NELL1: variants seen among roughly 807,000 people sequenced by gnomAD.
NELL1 encodes the protein protein kinase C-binding protein NELL1.
Under a neutral mutation model 107.4 loss-of-function variants are expected in NELL1, and 76 were observed. The observed-to-expected ratio is 0.71, with a 90% CI of 0.59 to 0.86. The LOEUF (loss-of-function observed/expected upper bound fraction) is 0.86. NELL1 is among the 40% of genes least tolerant of loss of function. The pLI is 0.00. For missense variants in NELL1, 1,024 were observed against 1,005.5 expected (o/e 1.02, Z -0.25); for synonymous variants, 353 against 341.2 (o/e 1.03, Z -0.38).
At chr11:20,789,588 C>T (rs1259699955) in intron 3 of NELL1, among the ~76,000 whole-genome samples, 1 of 152,222 alleles carries the variant, frequency 6.6e-6, no homozygotes, top group Admixed American at 6.5e-5. Context: ...TGTTTCAGTC[C>T]TGTTTGTGTT....
At chr11:21,522,080 A>AC (rs1855738698) in intron 15 of NELL1, among the ~76,000 whole-genome samples, 1 of 152,142 alleles carries the variant, frequency 6.6e-6, no homozygotes, top group Non-Finnish European at 1.5e-5. Context: ...CCCAAAGGAA[A>AC]AAAGCCATTA....
intron 4 of NELL1, among the ~76,000 whole-genome samples, chr11:20,868,420 G>T (rs1056480737): frequency 1.3e-5 from 2 of 152,134 alleles, no homozygotes; most frequent in Admixed American, 1.3e-4. Context: ...AATGGTTATA[G>T]GGTTTCTGTT....
At chr11:20,697,511 A>G (rs536484330) in intron 2 of NELL1, among the ~76,000 whole-genome samples, 1 of 151,996 alleles carries the variant, frequency 6.6e-6, no homozygotes, top group African/African-American at 2.4e-5. Flanking sequence ...ATGTAACAAG[A>G]TAGAACAAAG....
At position 21,206,050 on chromosome 11, in the gene NELL1, T is replaced by C. The variant is rs1419448029; in HGVS notation, c.1427-23282T>C. Among the ~76,000 whole-genome samples, 7 of 152,146 alleles carry C rather than the reference T, an allele frequency of 4.6e-5. No homozygotes were observed. The East Asian group carries it at 1.3e-3, about 29-fold the overall frequency. On this transcript the variant is annotated intron_variant, in intron 13 of 19. Transcript: ENST00000357134. ...ATGGTGTGAAAAATTATACAAAAAT[T>C]TGATTATAATATTTTCCTAGGGCTT...
At chr11:21,340,006 A>C (rs1850524382) in intron 14 of NELL1, among the ~76,000 whole-genome samples, 1 of 152,186 alleles carries the variant, frequency 6.6e-6, no homozygotes, top group South Asian at 2.1e-4. Context: ...CTCCCATCTT[A>C]GAAACTGTTC....
In NELL1 at chr11:21,293,541, G is replaced by A. The variant is rs376411001; in HGVS notation, c.1549+64087G>A. On this transcript the variant is annotated intron_variant, in intron 14 of 19. Transcript: ENST00000357134. ...AGTGTGGTGATTCCTCAAGGATCTA[G>A]AACCAGAAATACCATTTGACCCAGC... is the stretch of plus-strand genomic sequence containing the variant. Among the ~76,000 whole-genome samples, 16 of 152,220 alleles carry A rather than the reference G, an allele frequency of 1.1e-4. No homozygotes were observed. In the East Asian group the frequency reaches 2.3e-3, roughly 22 times the overall value.
At chr11:21,016,520 A>G (rs1004472624) in intron 12 of NELL1, among the ~76,000 whole-genome samples, 3 of 152,078 alleles carry the variant, frequency 2.0e-5, no homozygotes, top group Admixed American at 2.0e-4. Flanking sequence ...TGAAGATATC[A>G]CAGTTCCTGT....
chr11:20,802,470 A>G (rs1159773335), intron 3 of NELL1, among the ~76,000 whole-genome samples: 2 of 150,586 alleles, frequency 1.3e-5, no homozygotes, highest in Non-Finnish European at 3.0e-5. Context: ...CTTTTTGTGG[A>G]TCCTTTAGGT....
chr11:20,941,324 G>T (rs745949202), intron 10 of NELL1, among the ~76,000 whole-genome samples: 3 of 152,156 alleles, frequency 2.0e-5, no homozygotes, highest in Non-Finnish European at 2.9e-5. Context: ...CCCTCTGGAG[G>T]ATAAGAGGGT....
At chr11:20,918,698 A>G (rs1280040032) in intron 6 of NELL1, among the ~76,000 whole-genome samples, 1 of 152,030 alleles carries the variant, frequency 6.6e-6, no homozygotes, top group Non-Finnish European at 1.5e-5. Context: ...TATGGGAGTA[A>G]CTGCCTTCAT....
intron 15 of NELL1, among the ~76,000 whole-genome samples, chr11:21,528,284 CCA>C (rs1169563676): frequency 6.6e-6 from 1 of 152,066 alleles, no homozygotes; most frequent in East Asian, 1.9e-4. Context: ...TGATTTGTTC[CCA>C]CCAAAATTCA....
chr11:21,451,784 T>C (rs1035099650), intron 15 of NELL1, among the ~76,000 whole-genome samples: 1 of 152,164 alleles, frequency 6.6e-6, no homozygotes, highest in Non-Finnish European at 1.5e-5. Context: ...GAAATAAAAT[T>C]ATTCTTAAAA....
intron 15 of NELL1, among the ~76,000 whole-genome samples, chr11:21,489,089 A>C (rs1854721393): frequency 1.3e-5 from 2 of 151,974 alleles, no homozygotes; most frequent in South Asian, 4.1e-4. Context: ...AGAAATGAAA[A>C]AGGAGACTTT....
chr11:20,685,725 T>C (rs998911167), intron 2 of NELL1, among the ~76,000 whole-genome samples: 6 of 152,106 alleles, frequency 3.9e-5, no homozygotes, highest in Non-Finnish European at 8.8e-5. Flanking sequence ...TAGCTTTGGC[T>C]TTTTTTCCCT....
intron 3 of NELL1, among the ~76,000 whole-genome samples, chr11:20,840,895 A>G (rs1260885162): frequency 6.6e-6 from 1 of 152,236 alleles, no homozygotes; most frequent in Non-Finnish European, 1.5e-5. Flanking sequence ...AATTCAGGTT[A>G]TCTGTGATAC....
At chr11:21,463,280 G>A (rs368137669) in intron 15 of NELL1, among the ~76,000 whole-genome samples, 1 of 152,040 alleles carries the variant, frequency 6.6e-6, no homozygotes, top group Non-Finnish European at 1.5e-5. Context: ...AAAGTATCTG[G>A]TGGTGTTTGG....
intron 12 of NELL1, among the ~76,000 whole-genome samples, chr11:21,028,878 G>A (rs944349896): frequency 2.0e-5 from 3 of 151,988 alleles, no homozygotes; most frequent in Non-Finnish European, 4.4e-5. Flanking sequence ...TATTTTATTT[G>A]TATATTGCCC....
At chr11:21,183,730 A>C (rs1304151064) in intron 13 of NELL1, among the ~76,000 whole-genome samples, 1 of 151,772 alleles carries the variant, frequency 6.6e-6, no homozygotes, top group Non-Finnish European at 1.5e-5. Flanking sequence ...AATGAATATA[A>C]CTAGTGGGAA....
At chr11:20,743,512 T>G (rs1855937896) in intron 2 of NELL1, among the ~76,000 whole-genome samples, 2 of 152,206 alleles carry the variant, frequency 1.3e-5, no homozygotes, top group Non-Finnish European at 2.9e-5. Context: ...TTTCTTTATT[T>G]TCTTTTGTAA....
Sources: gnomAD v4.1 joint callset for allele counts (sites outside exome capture counted in the v4.1 genomes callset) on GRCh38, gnomAD v4.1.1 for gene constraint, MANE v1.5 for transcripts, NCBI Gene and HGNC (gene_info 2026-07-23, HGNC 2026-07-21) for gene names.